Variants in U2SURP observed in about 807,000 individuals in gnomAD.
U2SURP encodes U2 snRNP associated SURP domain containing, also known as U2 snRNP-associated SURP motif-containing protein.
A neutral mutation model predicts 144.9 loss-of-function variants in U2SURP; 9 were observed. That is an observed-to-expected ratio of 0.06 (90% CI 0.04 to 0.11). U2SURP has a LOEUF of 0.11. Among genes scored for constraint, U2SURP ranks in the 10% least tolerant of loss-of-function variants. The pLI is 1.00. For missense variants in U2SURP, 724 were observed against 1,226.7 expected (o/e 0.59, Z 6.12); for synonymous variants, 408 against 396.8 (o/e 1.03, Z -0.33).
At chr3:143,001,839 A>G (rs897555607) in intron 1 of U2SURP, among the ~76,000 whole-genome samples, 166 bp downstream of exon 1, 20 of 152,314 alleles carry the variant, frequency 1.3e-4, no homozygotes, top group Middle Eastern at 3.4e-3. Context: ...GAGGCCTGGT[A>G]TCTCCCCATA....
Position 143,002,897 on chromosome 3 carries a change from T to TC in U2SURP, c.45+1229dup, listed in dbSNP as rs200585967. Among the ~76,000 whole-genome samples the TC allele has an allele frequency of 8.5e-3, 1,299 of 152,222 alleles. 22 individuals carry two copies. The highest frequency in any genetic ancestry group is 0.03 in the African/African-American group (1,225 of 41,514). ...TACAAGGTATTGTGTCAGTTTTTTT[T>TC]CCCCCTCCTCAGTACATTTTCTCGT... On this transcript the variant is annotated intron_variant, in intron 1 of 27. Transcript: ENST00000473835.
At chr3:143,008,724 T>C (rs1232919803) in intron 1 of U2SURP, among the ~76,000 whole-genome samples, 1 of 152,268 alleles carries the variant, frequency 6.6e-6, no homozygotes, top group Non-Finnish European at 1.5e-5. Context: ...TTTTGTTGCT[T>C]AGCAAGTTAA....
At chr3:143,034,607 AATTGGACGAG>A in intron 18 of U2SURP, 1 of 203,124 alleles carries the variant, frequency 4.9e-6, no homozygotes, top group Non-Finnish European at 9.8e-6. Context: ...AAAATAAAGA[AATTGGACGAG>A]ATGGTTCAGC....
intron 17 of U2SURP, 144 bp from the exon 18 acceptor site, chr3:143,033,127 G>T: frequency 2.4e-6 from 2 of 840,390 alleles, no homozygotes; most frequent in Non-Finnish European, 3.6e-6. Flanking sequence ...AATGTAAATG[G>T]GTTAACAAAT....
At position 143,060,513 on chromosome 3, in the gene U2SURP, T is replaced by C. The variant is rs541575302; in HGVS notation, c.*4063T>C. 3 of 152,138 alleles carry C rather than the reference T, an allele frequency of 2.0e-5. No homozygotes were observed. The highest frequency in any genetic ancestry group is 6.5e-5 in the Admixed American group (1 of 15,268). The allele number at this position is 152,138 out of a possible 1,614,324, so 9.4% of individuals were successfully genotyped here. A position where few individuals can be genotyped will look rare whatever the true frequency, so the allele number is the denominator to read the frequency against. ...ATTTCCCTTTTGTTGTTTTTGACTT[T>C]TAATTAATAAAAGTACATTGTTTTC... On this transcript the variant is annotated 3_prime_UTR_variant, in exon 28 of 28. Transcript: ENST00000473835.
At chr3:143,028,874 C>G (rs977711784) in intron 16 of U2SURP, among the ~76,000 whole-genome samples, 1 of 152,130 alleles carries the variant, frequency 6.6e-6, no homozygotes, top group Non-Finnish European at 1.5e-5. Flanking sequence ...GTGATGATCT[C>G]TTAAACATGA....
intron 16 of U2SURP, among the ~76,000 whole-genome samples, chr3:143,032,372 G>T (rs1238809781): frequency 6.6e-6 from 1 of 152,116 alleles, no homozygotes; most frequent in Admixed American, 6.6e-5. Context: ...CACCCAGCCA[G>T]TCTTTTCCTT....
At chr3:143,056,218 G>A (rs1935142699) in intron 27 of U2SURP, 94 bp from the exon 28 acceptor site, 1 of 1,311,194 alleles carries the variant, frequency 7.6e-7, no homozygotes, top group Non-Finnish European at 1.0e-6. Context: ...TTTTCACTGT[G>A]CCCTGTTAAA....
chr3:143,056,484 A>T lies in U2SURP; in HGVS notation c.*34A>T. On this transcript the variant is annotated 3_prime_UTR_variant, in exon 28 of 28. Coordinates refer to ENST00000473835, the MANE Select transcript of U2SURP (RefSeq NM_001080415.2). ...TTTAAGATGCTGTCACTTATTGGAA[A>T]TGCGATTTGTTTTGTGCCTGAACGG... 1 of 1,606,442 alleles carries T rather than the reference A, an allele frequency of 6.2e-7. No homozygotes were observed. The highest frequency in any genetic ancestry group is 8.5e-7 in the Non-Finnish European group (1 of 1,176,742).
rs1933204879 is a variant in U2SURP, at chr3:143,027,257, T to G, written c.1379+4T>G. The G allele has an allele frequency of 6.2e-7, 1 of 1,608,404 alleles. No homozygotes were observed. ...AAATCAACAATCCTATGTTCAGGTG[T>G]GCATTTTTTAAAAATTGTGAAATAT... On this transcript the variant is annotated splice_donor_region_variant and intron_variant, in intron 14 of 27. Transcript: ENST00000473835.
At chr3:143,045,262 A>G (rs147964697) in intron 24 of U2SURP, among the ~76,000 whole-genome samples, 1,534 of 151,784 alleles carry the variant, frequency 0.01, 74 homozygotes, top group Admixed American at 0.084. Flanking sequence ...CCCGCTACTC[A>G]GGAGGCTGAG....
chr3:143,051,641 G>A, intron 25 of U2SURP, among the ~76,000 whole-genome samples: 1 of 147,344 alleles, frequency 6.8e-6, no homozygotes, highest in Admixed American at 6.8e-5. Flanking sequence ...ATAATAATGA[G>A]ATTATATAGA....
chr3:143,035,870 A>T, intron 19 of U2SURP, 112 bp from the exon 20 acceptor site: 1 of 1,139,762 alleles, frequency 8.8e-7, no homozygotes, highest in East Asian at 2.8e-5. Flanking sequence ...AAGTTTAAAA[A>T]AACATCAGTT....
At chr3:143,038,442 G>C (rs1421855074) in intron 22 of U2SURP, among the ~76,000 whole-genome samples, 3 of 151,980 alleles carry the variant, frequency 2.0e-5, no homozygotes, top group African/African-American at 7.2e-5. Context: ...AACCTTTCAG[G>C]TTAAGGCATT....
chr3:143,054,865 A>C, intron 26 of U2SURP, 78 bp from the exon 27 acceptor site: 6 of 1,397,218 alleles, frequency 4.3e-6, no homozygotes, highest in Non-Finnish European at 5.7e-6. Context: ...GTAGCAATTA[A>C]TAGCTAATTT....
intron 6 of U2SURP, chr3:143,017,370 G>C (rs976513373): frequency 1.3e-5 from 2 of 154,432 alleles, no homozygotes; most frequent in African/African-American, 4.8e-5. Flanking sequence ...AACATTTTGG[G>C]AATTACTGTC....
chr3:143,028,752 T>C (rs937651745), intron 16 of U2SURP, 106 bp downstream of exon 16: 1 of 908,650 alleles, frequency 1.1e-6, no homozygotes, highest in East Asian at 2.8e-5. Flanking sequence ...TTTTTTTCAC[T>C]TGTGAATGTT....
chr3:143,027,322 T>C, intron 14 of U2SURP, 69 bp downstream of exon 14: 1 of 1,180,730 alleles, frequency 8.5e-7, no homozygotes, highest in Non-Finnish European at 1.2e-6. Flanking sequence ...TTTTTAAGTA[T>C]ACAGTTCAGT....
At chr3:143,046,629 G>A (rs1438332798) in intron 24 of U2SURP, among the ~76,000 whole-genome samples, 2 of 102,576 alleles carry the variant, frequency 1.9e-5, no homozygotes, top group African/African-American at 9.0e-5. Flanking sequence ...GAGAGCACAG[G>A]GTTGGGGGTA....
Sources: allele counts gnomAD v4.1 joint callset (sites outside exome capture counted in the v4.1 genomes callset), GRCh38; gene constraint gnomAD v4.1.1; transcripts MANE v1.5; gene names NCBI Gene and HGNC (gene_info 2026-07-23, HGNC 2026-07-21).